SGCZ: variants seen among roughly 807,000 people sequenced by gnomAD.
SGCZ encodes sarcoglycan zeta.
A neutral mutation model predicts 41.3 loss-of-function variants in SGCZ; 40 were observed. The ratio of observed to expected loss-of-function variants is 0.97; its 90% CI spans 0.75 to 1.26. The LOEUF is 1.26. Among genes scored for constraint, SGCZ ranks in the 50% most tolerant of loss-of-function variants. SGCZ has a pLI of 0.00. For missense variants in SGCZ, 552 were observed against 369.8 expected (o/e 1.49, Z -4.04); for synonymous variants, 206 against 137.5 (o/e 1.50, Z -3.49).
At chr8:14,977,945 TA>T (rs1465931454) in intron 1 of SGCZ, among the ~76,000 whole-genome samples, 114 of 152,042 alleles carry the variant, frequency 7.5e-4, no homozygotes, top group African/African-American at 2.6e-3. Context: ...AAATATTGTT[TA>T]TTTTTTTCAA....
chr8:14,854,024 TA>T (rs1803450041), intron 1 of SGCZ, among the ~76,000 whole-genome samples: 1 of 57,304 alleles, frequency 1.7e-5, no homozygotes, highest in Non-Finnish European at 2.9e-5. Flanking sequence ...GATTATATTA[TA>T]TATATATATA....
chr8:14,630,190 A>T (rs907000571), intron 1 of SGCZ, among the ~76,000 whole-genome samples: 1 of 151,766 alleles, frequency 6.6e-6, no homozygotes, highest in Non-Finnish European at 1.5e-5. Context: ...TATGCTCCTC[A>T]TGTGGGCATA....
chr8:14,341,328 A>G (rs1280844808), intron 2 of SGCZ, among the ~76,000 whole-genome samples: 1 of 152,180 alleles, frequency 6.6e-6, no homozygotes, highest in Non-Finnish European at 1.5e-5. Context: ...TTTACATTCA[A>G]TATTTTGCGT....
At chr8:15,076,881 A>G (rs1454593) in intron 1 of SGCZ, among the ~76,000 whole-genome samples, 151,335 of 152,100 alleles carry the variant, frequency 0.99, 75,292 homozygotes, top group East Asian at 1. Context: ...GAGTGCCACC[A>G]CTCAATAACA....
intron 1 of SGCZ, among the ~76,000 whole-genome samples, chr8:14,819,904 C>T (rs1255957045): frequency 1.3e-5 from 2 of 151,944 alleles, no homozygotes; most frequent in African/African-American, 4.8e-5. Flanking sequence ...GCTAGCTCCA[C>T]AGAAAACCAC....
chr8:14,327,453 TGC>T (rs1802162041), intron 2 of SGCZ, among the ~76,000 whole-genome samples: 1 of 152,198 alleles, frequency 6.6e-6, no homozygotes. Flanking sequence ...TGTTCTGAAG[TGC>T]GCTCCTTGGA....
chr8:14,784,913 AAT>A (rs1554499020), intron 1 of SGCZ, among the ~76,000 whole-genome samples: 8 of 88,022 alleles, frequency 9.1e-5, no homozygotes, highest in South Asian at 7.4e-4. Flanking sequence ...AAAAAAAAAA[AAT>A]ATATATATAT....
intron 1 of SGCZ, among the ~76,000 whole-genome samples, chr8:14,857,865 CAAACA>C (rs1017022707): frequency 4.6e-5 from 7 of 151,916 alleles, no homozygotes; most frequent in African/African-American, 1.7e-4. Context: ...GACTCTGTCT[CAAACA>C]AAAGAAAAGG....
intron 2 of SGCZ, among the ~76,000 whole-genome samples, chr8:14,458,857 A>G (rs1800822390): frequency 6.6e-6 from 1 of 152,148 alleles, no homozygotes; most frequent in Non-Finnish European, 1.5e-5. Flanking sequence ...ACAAACAAAC[A>G]ACACCATTAA....
In SGCZ at chr8:14,713,964, A is replaced by ATGTTTG. The variant is rs780816691; in HGVS notation, c.40-159044_40-159039dup. Among the ~76,000 whole-genome samples, 112 of 152,002 alleles carry ATGTTTG rather than the reference A, an allele frequency of 7.4e-4. 2 individuals carry two copies. In the Middle Eastern group the frequency reaches 0.017, roughly 23 times the overall value. On this transcript the variant is annotated intron_variant, in intron 1 of 7. Coordinates refer to ENST00000382080, the MANE Select transcript of SGCZ (RefSeq NM_139167.4). The stretch of plus-strand genomic sequence containing the variant: ...CCATTTTAAGTCTAGAAGCATCTGT[A>ATGTTTG]TGTTTGTTTTTGTTTTTGTTTTCAG...
At chr8:14,306,968 G>C (rs984990924) in intron 3 of SGCZ, among the ~76,000 whole-genome samples, 3 of 152,122 alleles carry the variant, frequency 2.0e-5, no homozygotes, top group Non-Finnish European at 4.4e-5. Flanking sequence ...TTCTCAGCAA[G>C]AAATGAAATA....
chr8:14,605,298 T>G (rs1393982957), intron 1 of SGCZ, among the ~76,000 whole-genome samples: 1 of 152,078 alleles, frequency 6.6e-6, no homozygotes, highest in Non-Finnish European at 1.5e-5. Context: ...TGAGTGTATA[T>G]ATTTATGGGG....
At chr8:14,101,760 A>AAGAT (rs1294998043) in intron 7 of SGCZ, among the ~76,000 whole-genome samples, 3 of 151,700 alleles carry the variant, frequency 2.0e-5, no homozygotes. Flanking sequence ...TCTGAATATC[A>AAGAT]AGATATAACA....
chr8:14,255,963 G>A (rs973932987), intron 3 of SGCZ, among the ~76,000 whole-genome samples: 54 of 151,898 alleles, frequency 3.6e-4, no homozygotes, highest in African/African-American at 8.9e-4. Context: ...ACTGCCACAT[G>A]TTTCATTATC....
chr8:14,118,901 G>C (rs1328722944), intron 5 of SGCZ, among the ~76,000 whole-genome samples: 1 of 152,122 alleles, frequency 6.6e-6, no homozygotes, highest in Non-Finnish European at 1.5e-5. Context: ...CGAAGTTTCT[G>C]TTCCGTTGCA....
intron 2 of SGCZ, among the ~76,000 whole-genome samples, chr8:14,387,578 A>G (rs1804620343): frequency 6.6e-6 from 1 of 152,162 alleles, no homozygotes; most frequent in African/African-American, 2.4e-5. Flanking sequence ...GTTTTTAAAT[A>G]TTAAGACAAT....
chr8:14,492,543 T>C (rs902422597), intron 2 of SGCZ, among the ~76,000 whole-genome samples: 4 of 152,160 alleles, frequency 2.6e-5, no homozygotes, highest in Non-Finnish European at 5.9e-5. Flanking sequence ...ACTCCTCAAA[T>C]AGCACAAGAT....
chr8:15,043,805 T>TC (rs1428254143), intron 1 of SGCZ, among the ~76,000 whole-genome samples: 1 of 152,156 alleles, frequency 6.6e-6, no homozygotes, highest in African/African-American at 2.4e-5. Context: ...CTAAACGTTT[T>TC]CCTAAGTTTC....
At chr8:14,159,024 C>T (rs1803963687) in intron 5 of SGCZ, among the ~76,000 whole-genome samples, 1 of 152,188 alleles carries the variant, frequency 6.6e-6, no homozygotes, top group Non-Finnish European at 1.5e-5. Context: ...CCTCCTTGGC[C>T]TCCCAAAGTG....
Sources: gnomAD v4.1 joint callset for allele counts (sites outside exome capture counted in the v4.1 genomes callset) on GRCh38, gnomAD v4.1.1 for gene constraint, MANE v1.5 for transcripts, NCBI Gene and HGNC (gene_info 2026-07-23, HGNC 2026-07-21) for gene names.